Variants in CLDN16 observed in about 807,000 individuals in gnomAD.
CLDN16 encodes claudin 16.
A neutral mutation model predicts 24.6 loss-of-function variants in CLDN16; 13 were observed. The observed-to-expected ratio is 0.53, with a 90% CI of 0.34 to 0.84. The LOEUF (loss-of-function observed/expected upper bound fraction) is 0.84, where lower values mean the gene tolerates loss of function less well. Among genes scored for constraint, CLDN16 ranks in the 40% least tolerant of loss-of-function variants. The pLI, the probability that CLDN16 is intolerant of heterozygous loss-of-function variation, is 0.01. For synonymous variants in CLDN16, 116 were observed against 106.7 expected (o/e 1.09, Z -0.54); for missense variants, 298 against 292.7 (o/e 1.02, Z -0.13).
upstream of CLDN16, chr3:190,387,746 G>A (rs1186995303): frequency 1.0e-5 from 3 of 290,272 alleles, no homozygotes; most frequent in Non-Finnish European, 2.0e-5. Context: ...GCAACACTTT[G>A]GAATGCAGAC....
intron 1 of CLDN16, among the ~76,000 whole-genome samples, chr3:190,340,718 A>G (rs1717408646): frequency 6.6e-6 from 1 of 152,178 alleles, no homozygotes; most frequent in Admixed American, 6.5e-5. Flanking sequence ...TCATTTCAGC[A>G]TTAACTCAAA....
intron 1 of CLDN16, among the ~76,000 whole-genome samples, chr3:190,332,111 C>T (rs1157488988): frequency 6.6e-6 from 1 of 152,106 alleles, no homozygotes; most frequent in African/African-American, 2.4e-5. Context: ...TCTTAATTCC[C>T]ATCGTGCCAT....
upstream of CLDN16, among the ~76,000 whole-genome samples, chr3:190,383,804 A>C (rs1200765632): frequency 6.6e-6 from 1 of 152,204 alleles, no homozygotes; most frequent in African/African-American, 2.4e-5. Context: ...ACACACATAC[A>C]TGTGTGTACA....
the CLDN16 span, among the ~76,000 whole-genome samples, chr3:190,299,497 AG>A: frequency 6.6e-6 from 1 of 152,058 alleles, no homozygotes; most frequent in Non-Finnish European, 1.5e-5. Context: ...TTATTTAATT[AG>A]AAAAATTCTT....
chr3:190,312,161 C>T, the CLDN16 span, among the ~76,000 whole-genome samples: 2 of 151,672 alleles, frequency 1.3e-5, no homozygotes, highest in Non-Finnish European at 1.5e-5. Flanking sequence ...GAACTCACGA[C>T]CTCAGGTGAT....
At chr3:190,390,555 A>T (rs1187541185) in intron 1 of CLDN16, among the ~76,000 whole-genome samples, 1 of 150,462 alleles carries the variant, frequency 6.6e-6, no homozygotes, top group Non-Finnish European at 1.5e-5. Flanking sequence ...GAAGAAGAAG[A>T]ACCCTGTAAC....
At chr3:190,352,996 C>T (rs900705931) in intron 1 of CLDN16, among the ~76,000 whole-genome samples, 1 of 151,876 alleles carries the variant, frequency 6.6e-6, no homozygotes, top group Non-Finnish European at 1.5e-5. Flanking sequence ...CCCTTAAGTA[C>T]AATTTAATTT....
At chr3:190,405,242 A>G (rs1421969672) in intron 3 of CLDN16, among the ~76,000 whole-genome samples, 1 of 152,110 alleles carries the variant, frequency 6.6e-6, no homozygotes, top group Admixed American at 6.6e-5. Flanking sequence ...CCAGCTGGCC[A>G]TCATGGTGAA....
chr3:190,312,891 A>G, the CLDN16 span: 1,352,478 of 1,613,742 alleles, frequency 0.84, 567,397 homozygotes, highest in Middle Eastern at 0.86. Flanking sequence ...GAAATATCGC[A>G]CCCCCAATGA....
At chr3:190,353,932 A>G (rs113237193) in intron 1 of CLDN16, among the ~76,000 whole-genome samples, 4,545 of 152,180 alleles carry the variant, frequency 0.03, 98 homozygotes, top group East Asian at 0.056. Context: ...TCTGAGGGCC[A>G]TAAGTCAAAT....
At chr3:190,390,732 C>T (rs111257679) in intron 1 of CLDN16, among the ~76,000 whole-genome samples, 3,725 of 152,162 alleles carry the variant, frequency 0.024, 71 homozygotes, top group South Asian at 0.058. Flanking sequence ...CTTTTCTTGC[C>T]GCCATCCTCA....
Position 190,408,929 on chromosome 3 carries a change from A to G in CLDN16, c.574+424A>G, listed in dbSNP as rs181273820. Reference sequence around the variant, plus strand: ...ACGTATACATAGTACATATGTATACACATATACACATATGTATATGCATAT... The same window carrying G: ...ACGTATACATAGTACATATGTATACGCATATACACATATGTATATGCATAT... On this transcript the variant is annotated intron_variant, in intron 4 of 4. Transcript: ENST00000264734. Among the ~76,000 whole-genome samples, 406 of 149,560 alleles carry G rather than the reference A, an allele frequency of 2.7e-3. 3 individuals are homozygous for G. The highest frequency in any genetic ancestry group is 1.4e-3 in the Non-Finnish European group (96 of 67,456).
intron 4 of CLDN16, among the ~76,000 whole-genome samples, chr3:190,408,955 A>G (rs1411186106): frequency 6.7e-6 from 1 of 150,150 alleles, no homozygotes; most frequent in Non-Finnish European, 1.5e-5. Flanking sequence ...ATATGCATAT[A>G]TGTATATGTA....
chr3:190,335,975 A>G (rs1316607609), intron 1 of CLDN16, among the ~76,000 whole-genome samples: 1 of 152,204 alleles, frequency 6.6e-6, no homozygotes, highest in Non-Finnish European at 1.5e-5. Context: ...ATGTTCTAAC[A>G]GTACAATTGC....
intron 3 of CLDN16, chr3:190,374,732 C>G (rs889012424): frequency 9.2e-5 from 14 of 151,886 alleles, no homozygotes; most frequent in African/African-American, 3.1e-4. Flanking sequence ...AACAACAACA[C>G]TTGTTAGTTA....
intron 1 of CLDN16, among the ~76,000 whole-genome samples, chr3:190,393,369 G>T (rs1718728177): frequency 6.6e-6 from 1 of 152,164 alleles, no homozygotes; most frequent in Non-Finnish European, 1.5e-5. Flanking sequence ...TTATATCAGA[G>T]GGACCTGAGG....
At chr3:190,370,393 T>G (rs1412600994) in intron 1 of CLDN16, among the ~76,000 whole-genome samples, 1 of 152,004 alleles carries the variant, frequency 6.6e-6, no homozygotes, top group Non-Finnish European at 1.5e-5. Flanking sequence ...AAACTTAGTA[T>G]TTTCCAAACA....
chr3:190,310,037 TAA>T, the CLDN16 span: 1 of 751,614 alleles, frequency 1.3e-6, no homozygotes, highest in Non-Finnish European at 2.3e-6. Context: ...AGAGATCATT[TAA>T]ATTGTTTGTA....
chr3:190,374,158 G>C lies in CLDN16; in HGVS notation n.231-370G>C, dbSNP rs181990130. ...AGGTTTTGGAGAGATCAAAATGCAA[G>C]TAAAAATCTCCAGATTCCAAGAATC... On this transcript the variant is annotated intron_variant and non_coding_transcript_variant, in intron 2 of 4. Transcript: ENST00000468220. Among the ~76,000 whole-genome samples, 640 of 151,884 alleles carry C rather than the reference G, an allele frequency of 4.2e-3. 5 individuals carry two copies. The highest frequency in any genetic ancestry group is 0.015 in the African/African-American group (608 of 41,488).
Sources: gnomAD v4.1 joint callset for allele counts (sites outside exome capture counted in the v4.1 genomes callset) on GRCh38, gnomAD v4.1.1 for gene constraint, MANE v1.5 for transcripts, NCBI Gene and HGNC (gene_info 2026-07-23, HGNC 2026-07-21) for gene names.